OPA1: variants seen among roughly 807,000 people sequenced by gnomAD.
OPA1 encodes dynamin-like GTPase OPA1, mitochondrial.
OPA1 carries 59 observed loss-of-function variants against 152.9 expected under a neutral mutation model. The observed-to-expected ratio is 0.39, with a 90% CI of 0.31 to 0.48. The LOEUF is 0.48. OPA1 is among the 20% of genes least tolerant of loss of function. The pLI, the probability that OPA1 is intolerant of heterozygous loss-of-function variation, is 0.96. For missense variants in OPA1, 1,008 were observed against 1,216.8 expected (o/e 0.83, Z 2.55); for synonymous variants, 400 against 389.9 (o/e 1.03, Z -0.31).
rs113001057 is a variant in OPA1 at position 193,660,106 on chromosome 3, G to A, written c.2520+545G>A. Reference sequence around the variant, plus strand: ...CGAAGCTGCAGGGAAAATAACTTGTGAATAGAAAAAAATAGTAAGGTTTTC... The same window carrying A: ...CGAAGCTGCAGGGAAAATAACTTGTAAATAGAAAAAAATAGTAAGGTTTTC... On this transcript the variant is annotated intron_variant, in intron 25 of 30. Coordinates refer to ENST00000361510, the MANE Select transcript of OPA1 (RefSeq NM_130837.3). Among the ~76,000 whole-genome samples, 5 of 152,106 alleles carry A rather than the reference G, an allele frequency of 3.3e-5. 1 individual carries two copies. Among genetic ancestry groups the A allele is most frequent in the African/African-American group, 9.6e-5 (4 of 41,496 alleles).
chr3:193,611,633 G>T (rs2108848514), intron 1 of OPA1, among the ~76,000 whole-genome samples: 1 of 148,566 alleles, frequency 6.7e-6, no homozygotes, highest in African/African-American at 2.5e-5. Flanking sequence ...TTCAGCTAAG[G>T]CCACCAATTC....
intron 29 of OPA1, among the ~76,000 whole-genome samples, chr3:193,686,163 TAG>T (rs1305065929): frequency 2.0e-5 from 3 of 152,204 alleles, no homozygotes; most frequent in Non-Finnish European, 4.4e-5. Context: ...AACCACCAGT[TAG>T]AGTTCCTAAT....
At chr3:193,666,067 T>C (rs1198296067) in intron 27 of OPA1, among the ~76,000 whole-genome samples, 1 of 152,218 alleles carries the variant, frequency 6.6e-6, no homozygotes, top group Non-Finnish European at 1.5e-5. Flanking sequence ...TCATTAGAAT[T>C]GAAACAAAGC....
Position 193,642,813 on chromosome 3 carries a change from T to G in OPA1, c.1198T>G (p.Ser400Ala). The G allele has an allele frequency of 6.2e-7, 1 of 1,613,788 alleles. No individual in the cohort carries two copies. Among genetic ancestry groups the G allele is most frequent in the Non-Finnish European group, 8.5e-7 (1 of 1,179,712 alleles). The change falls in exon 12 of 31, where the codon TCT becomes GCT. Residue 400 changes from serine (S) to alanine (A), a missense_variant. Physicochemically the swap from Ser to Ala is moderately conservative, Grantham distance 99. Around this residue, in one of 7 missense-constraint regions of OPA1, gnomAD observed 213 missense variants for 291.4 expected, o/e 0.73. Coordinates refer to ENST00000361510, the MANE Select transcript of OPA1 (RefSeq NM_130837.3). ...PHHVALFKDSSREFDLTKEED... is the reference protein window; with the variant it reads ...PHHVALFKDSAREFDLTKEED... ...CCATGTGGCCCTATTTAAAGATAGT[T>G]CTCGGGAGTTTGATCTTACCAAAGA...
intron 1 of OPA1, among the ~76,000 whole-genome samples, chr3:193,596,375 CT>C (rs1560301653): frequency 1.3e-5 from 1 of 74,152 alleles, no homozygotes; most frequent in African/African-American, 5.9e-5. Flanking sequence ...ATTTTCTTTT[CT>C]TTTCTTTTCT....
At chr3:193,660,133 G>A (rs1047187035) in intron 25 of OPA1, among the ~76,000 whole-genome samples, 65 of 152,114 alleles carry the variant, frequency 4.3e-4, no homozygotes, top group African/African-American at 1.5e-3. Flanking sequence ...AAGGTTTTCA[G>A]AGGATGTACA....
intron 23 of OPA1, among the ~76,000 whole-genome samples, chr3:193,658,653 G>T (rs1714502764): frequency 6.6e-6 from 1 of 152,150 alleles, no homozygotes. Context: ...CATATGGTTA[G>T]CTTGTTTAAT....
chr3:193,606,733 G>A (rs1157617117), intron 1 of OPA1, among the ~76,000 whole-genome samples: 4 of 152,174 alleles, frequency 2.6e-5, no homozygotes, highest in Admixed American at 6.5e-5. Flanking sequence ...ACATACGTGT[G>A]CATGTGTCTT....
intron 29 of OPA1, among the ~76,000 whole-genome samples, chr3:193,669,935 C>T (rs1183465250): frequency 1.3e-5 from 2 of 152,144 alleles, no homozygotes; most frequent in East Asian, 1.9e-4. Flanking sequence ...TACTTTTGTA[C>T]ATATAAAATT....
chr3:193,599,988 G>C (rs373244355), intron 1 of OPA1, among the ~76,000 whole-genome samples: 1 of 152,360 alleles, frequency 6.6e-6, no homozygotes, highest in East Asian at 1.9e-4. Flanking sequence ...CAGTCTATGA[G>C]TGGTTGAAGT....
rs928280422 is a variant in OPA1, at chr3:193,631,527, C to G, written c.790-85C>G. On this transcript the variant is annotated intron_variant, in intron 7 of 30. Coordinates refer to ENST00000361510, the MANE Select transcript of OPA1 (RefSeq NM_130837.3). ...CATATAAAGTCAGTTGTTTTTAACTCTCAATACTTATCAAAAAAATTTAAC... is the reference window on the plus strand; with the variant it reads ...CATATAAAGTCAGTTGTTTTTAACTGTCAATACTTATCAAAAAAATTTAAC... 5 of 957,828 alleles carry G rather than the reference C, an allele frequency of 5.2e-6. No homozygotes were observed. The Admixed American group carries it at 7.5e-5, about 14-fold the overall frequency. 59.3% of individuals were successfully genotyped at this position (957,828 alleles called of 1,614,324 possible).
chr3:193,614,901 C>G lies in OPA1; in HGVS notation c.211C>G (p.Arg71Gly), dbSNP rs368488165. The G allele has an allele frequency of 1.2e-6, 2 of 1,613,888 alleles. No individual in the cohort carries two copies. Among genetic ancestry groups the G allele is most frequent in the Non-Finnish European group, 1.7e-6 (2 of 1,179,844 alleles). Residue 71 changes from arginine (R) to glycine (G), a missense_variant, in exon 2 of 31, where the codon CGT becomes GGT. Physicochemically the swap from Arg to Gly is moderately radical, Grantham distance 125. Around this residue, in one of 7 missense-constraint regions of OPA1, gnomAD observed 408 missense variants for 395.1 expected, o/e 1.03. Transcript: ENST00000361510. ...QFSSLTNLPL[R>G]KLKFSPIKYG... ...CTCTTCTCTGACAAACCTTCCTTTA[C>G]GTAAACTGAAATTCTCTCCAATTAA...
At chr3:193,659,886 C>A (rs181411915) in intron 25 of OPA1, among the ~76,000 whole-genome samples, 1 of 152,226 alleles carries the variant, frequency 6.6e-6, no homozygotes, top group African/African-American at 2.4e-5. Context: ...TGTCTCATTC[C>A]TGTAATCACA....
chr3:193,609,194 C>T (rs1284905074), intron 1 of OPA1, among the ~76,000 whole-genome samples: 4 of 152,200 alleles, frequency 2.6e-5, no homozygotes, highest in East Asian at 3.9e-4. Context: ...GAGCATTTAG[C>T]CCATTTACAT....
chr3:193,622,998 A>T (rs921495730), intron 6 of OPA1, among the ~76,000 whole-genome samples: 1 of 152,146 alleles, frequency 6.6e-6, no homozygotes, highest in African/African-American at 2.4e-5. Context: ...TGATATTCTG[A>T]ATTGGAATTA....
intron 9 of OPA1, among the ~76,000 whole-genome samples, chr3:193,636,719 G>A (rs375824187): frequency 6.6e-6 from 1 of 152,090 alleles, no homozygotes; most frequent in South Asian, 2.1e-4. Context: ...CACCCTTACT[G>A]GTTTAACAGT....
chr3:193,685,445 A>G (rs1331889284), intron 29 of OPA1, among the ~76,000 whole-genome samples: 2 of 152,168 alleles, frequency 1.3e-5, no homozygotes, highest in Non-Finnish European at 2.9e-5. Context: ...CAAAATAGCA[A>G]TTTTTAAATA....
At chr3:193,623,944 T>G (rs1485437724) in intron 6 of OPA1, among the ~76,000 whole-genome samples, 2 of 152,196 alleles carry the variant, frequency 1.3e-5, no homozygotes, top group Non-Finnish European at 2.9e-5. Flanking sequence ...AATTCTTGTT[T>G]TCTTCCTACT....
At chr3:193,645,370 CA>C (rs1560376940) in intron 16 of OPA1, among the ~76,000 whole-genome samples, 182 bp from the exon 17 acceptor site, 1 of 152,098 alleles carries the variant, frequency 6.6e-6, no homozygotes, top group East Asian at 1.9e-4. Context: ...AATACATTTT[CA>C]ATGTAGTAAA....
Sources: allele counts gnomAD v4.1 joint callset (sites outside exome capture counted in the v4.1 genomes callset), GRCh38; gene constraint gnomAD v4.1.1; regional missense constraint gnomAD v4.1.1; transcripts MANE v1.5; gene names NCBI Gene and HGNC (gene_info 2026-07-23, HGNC 2026-07-21).